ARHGAP24: variants seen among roughly 807,000 people sequenced by gnomAD.
The protein encoded by ARHGAP24 is rho GTPase-activating protein 24.
ARHGAP24 carries 50 observed loss-of-function variants against 76.4 expected under a neutral mutation model. The observed-to-expected ratio is 0.65, with a 90% CI of 0.52 to 0.83. The LOEUF (loss-of-function observed/expected upper bound fraction) is 0.83, where lower values mean the gene tolerates loss of function less well. Ranked by LOEUF, ARHGAP24 falls within the 40% of genes least tolerant of loss-of-function variation. The probability of loss-of-function intolerance (pLI) is 0.00; values close to 1 mark genes in which losing one functional copy is unlikely to be tolerated. For missense variants in ARHGAP24, 930 were observed against 914.2 expected (o/e 1.02, Z -0.22); for synonymous variants, 345 against 323.3 (o/e 1.07, Z -0.72).
rs538934817 is a variant in ARHGAP24, at chr4:85,567,990, A to G, written c.-20-2532A>G. On this transcript the variant is annotated intron_variant, in intron 1 of 9. Coordinates refer to ENST00000395184, the MANE Select transcript of ARHGAP24 (RefSeq NM_001025616.3). ...CGATGCATTCTGAAATCATAAAAATATAGGCATTATAGTCAGTTCAGTGGG... is the reference window on the plus strand; with the variant it reads ...CGATGCATTCTGAAATCATAAAAATGTAGGCATTATAGTCAGTTCAGTGGG... Among the ~76,000 whole-genome samples, 219 of 152,338 alleles carry G rather than the reference A, an allele frequency of 1.4e-3. 3 individuals carry two copies. Among genetic ancestry groups the G allele is most frequent in the South Asian group, 9.5e-3 (46 of 4,828 alleles).
rs1473887247 is a variant in ARHGAP24, at chr4:85,475,303, T to G, written c.-277T>G. 1 of 152,146 alleles carries G rather than the reference T, an allele frequency of 6.6e-6. No individual in the cohort carries two copies. The highest frequency in any genetic ancestry group is 2.0e-4 in the East Asian group (1 of 5,096). 9.4% of individuals were successfully genotyped at this position (152,146 alleles called of 1,614,324 possible). On this transcript the variant is annotated 5_prime_UTR_variant, in exon 1 of 10. Coordinates refer to ENST00000395184, the MANE Select transcript of ARHGAP24 (RefSeq NM_001025616.3). ...CTGCGGCGGGGACCAGAGAGGAGCCTGGCGGGGGTGGCTGGGTGGCTGGGG... is the reference window on the plus strand; with the variant it reads ...CTGCGGCGGGGACCAGAGAGGAGCCGGGCGGGGGTGGCTGGGTGGCTGGGG...
At chr4:85,896,054 A>G (rs868572007) in intron 3 of ARHGAP24, among the ~76,000 whole-genome samples, 13 of 152,238 alleles carry the variant, frequency 8.5e-5, no homozygotes, top group Non-Finnish European at 1.3e-4. Context: ...TATTGAAACA[A>G]AAACACAAGA....
chr4:85,603,748 G>A (rs182411318), intron 2 of ARHGAP24, among the ~76,000 whole-genome samples: 23 of 152,236 alleles, frequency 1.5e-4, no homozygotes, highest in South Asian at 6.2e-4. Flanking sequence ...TGTGCTAAGC[G>A]CTAGTGATAC....
chr4:85,620,805 G>T (rs1299100660), intron 2 of ARHGAP24, among the ~76,000 whole-genome samples: 3 of 151,580 alleles, frequency 2.0e-5, no homozygotes, highest in Non-Finnish European at 4.4e-5. Flanking sequence ...TAGATTCAAG[G>T]GGTACATATG....
rs139588835 is a variant in ARHGAP24 at position 85,597,053 on chromosome 4, T to C, written c.180+26332T>C. Among the ~76,000 whole-genome samples, 10 of 152,156 alleles carry C rather than the reference T, an allele frequency of 6.6e-5. No homozygotes were observed. The East Asian group carries it at 1.9e-3, about 29-fold the overall frequency. ...GTGTACTCAGTCTGTCACTGAAAAA[T>C]GCTGTTTCTTCAAAAGCAAAGATTT... is the stretch of plus-strand genomic sequence containing the variant. On this transcript the variant is annotated intron_variant, in intron 2 of 9. Transcript: ENST00000395184.
intron 2 of ARHGAP24, among the ~76,000 whole-genome samples, chr4:85,632,028 G>A (rs1387461256): frequency 6.6e-6 from 1 of 151,950 alleles, no homozygotes; most frequent in Non-Finnish European, 1.5e-5. Context: ...TTTATGGAAA[G>A]TTTTCTTGAA....
chr4:85,845,649 C>A (rs2110154481), intron 3 of ARHGAP24, among the ~76,000 whole-genome samples: 1 of 152,252 alleles, frequency 6.6e-6, no homozygotes, highest in South Asian at 2.1e-4. Context: ...CACTACCTAC[C>A]TGACAGAGGC....
At chr4:85,530,919 A>G (rs186119903) in intron 1 of ARHGAP24, among the ~76,000 whole-genome samples, 1 of 152,174 alleles carries the variant, frequency 6.6e-6, no homozygotes, top group Non-Finnish European at 1.5e-5. Context: ...ATGTGCAGGG[A>G]CTGTTTTCCA....
intron 1 of ARHGAP24, among the ~76,000 whole-genome samples, chr4:85,496,783 C>T (rs1003712092): frequency 6.6e-6 from 1 of 152,212 alleles, no homozygotes; most frequent in Non-Finnish European, 1.5e-5. Context: ...CACTAGCACC[C>T]ATACTTTGGT....
In ARHGAP24 at chr4:85,877,061, A is replaced by G. The variant is rs1469313634; in HGVS notation, c.269-46587A>G. Among the ~76,000 whole-genome samples, 12 of 152,108 alleles carry G rather than the reference A, an allele frequency of 7.9e-5. No individual in the cohort carries two copies. The East Asian group carries it at 2.3e-3, about 29-fold the overall frequency. ...GTCAGTTATAGATGTTATTTATTTC[A>G]GTTAGAGCCATCTCTATCTCTATGT... On this transcript the variant is annotated intron_variant, in intron 3 of 9. Coordinates refer to ENST00000395184, the MANE Select transcript of ARHGAP24 (RefSeq NM_001025616.3).
intron 3 of ARHGAP24, among the ~76,000 whole-genome samples, chr4:85,881,649 C>T (rs1007262724): frequency 2.6e-5 from 4 of 151,718 alleles, no homozygotes; most frequent in African/African-American, 9.7e-5. Context: ...TCTGGGGAAA[C>T]CAACCCACAG....
chr4:85,608,006 C>G (rs1171162912), intron 2 of ARHGAP24, among the ~76,000 whole-genome samples: 2 of 151,828 alleles, frequency 1.3e-5, no homozygotes, highest in Admixed American at 6.6e-5. Flanking sequence ...ACAAAATGTG[C>G]CAGAGGTAGG....
At chr4:85,642,972 C>G (rs144168300) in intron 2 of ARHGAP24, among the ~76,000 whole-genome samples, 405 of 152,290 alleles carry the variant, frequency 2.7e-3, no homozygotes, top group African/African-American at 9.0e-3. Context: ...CCCTTGATCA[C>G]TCTCCTCAGC....
At chr4:85,537,496 G>T (rs1725515375) in intron 1 of ARHGAP24, among the ~76,000 whole-genome samples, 1 of 152,112 alleles carries the variant, frequency 6.6e-6, no homozygotes, top group Non-Finnish European at 1.5e-5. Context: ...AAAGCTAGCA[G>T]ATTCCTGTAG....
At chr4:85,647,410 C>T (rs1037010061) in intron 2 of ARHGAP24, among the ~76,000 whole-genome samples, 4 of 151,930 alleles carry the variant, frequency 2.6e-5, no homozygotes, top group Admixed American at 6.6e-5. Flanking sequence ...GAGACATTTG[C>T]CTGTGGTGAT....
chr4:85,708,689 A>G (rs1307009111), intron 2 of ARHGAP24, among the ~76,000 whole-genome samples: 1 of 152,024 alleles, frequency 6.6e-6, no homozygotes, highest in Non-Finnish European at 1.5e-5. Flanking sequence ...CAGAGGGCGC[A>G]CTCTGTTGGC....
At chr4:85,567,103 C>T (rs1337406811) in intron 1 of ARHGAP24, among the ~76,000 whole-genome samples, 1 of 152,060 alleles carries the variant, frequency 6.6e-6, no homozygotes, top group Non-Finnish European at 1.5e-5. Context: ...CCTTATAGGC[C>T]ATGGTAAGAC....
chr4:85,631,421 G>A (rs1049706146), intron 2 of ARHGAP24, among the ~76,000 whole-genome samples: 6 of 151,898 alleles, frequency 4.0e-5, no homozygotes, highest in African/African-American at 9.7e-5. Context: ...TTAGATAAAC[G>A]GAAACTTTTC....
At chr4:85,693,583 C>T (rs1723753224) in intron 2 of ARHGAP24, among the ~76,000 whole-genome samples, 1 of 152,170 alleles carries the variant, frequency 6.6e-6, no homozygotes, top group South Asian at 2.1e-4. Context: ...ACCAGGTGTG[C>T]TGGGAGGTCC....
Sources: gnomAD v4.1 joint callset for allele counts (sites outside exome capture counted in the v4.1 genomes callset) on GRCh38, gnomAD v4.1.1 for gene constraint, MANE v1.5 for transcripts, NCBI Gene and HGNC (gene_info 2026-07-23, HGNC 2026-07-21) for gene names.